The following LOC400499 variants were observed in gnomAD, a reference collection of about 807,000 sequenced individuals.
chr16:11,401,556 G>A, the LOC400499 span: 7,112 of 397,852 alleles, frequency 0.018, 95 homozygotes, highest in Non-Finnish European at 0.024. Flanking sequence ...CAAGGCCCTC[G>A]GAGAGCTCAG....
the LOC400499 span, among the ~76,000 whole-genome samples, chr16:11,393,079 C>A: frequency 6.6e-6 from 1 of 152,006 alleles, no homozygotes; most frequent in African/African-American, 2.4e-5. Context: ...TGGTCTCGAT[C>A]TCCTGACCTT....
At chr16:11,470,192 G>A in the LOC400499 span, among the ~76,000 whole-genome samples, 1 of 152,226 alleles carries the variant, frequency 6.6e-6, no homozygotes, top group South Asian at 2.1e-4. Context: ...GGATTACAGT[G>A]AGCCACTGCG....
At chr16:11,479,510 C>T in the LOC400499 span, among the ~76,000 whole-genome samples, 1 of 151,262 alleles carries the variant, frequency 6.6e-6, no homozygotes, top group Non-Finnish European at 1.5e-5. Context: ...GTAGTTCCAG[C>T]TACTTGGGAA....
chr16:11,424,669 C>A, the LOC400499 span, among the ~76,000 whole-genome samples: 20 of 152,198 alleles, frequency 1.3e-4, no homozygotes, highest in African/African-American at 4.3e-4. Context: ...CAGAGGGAAA[C>A]AGGGGTCTGA....
the LOC400499 span, among the ~76,000 whole-genome samples, chr16:11,389,101 G>A: frequency 6.6e-6 from 1 of 151,870 alleles, no homozygotes; most frequent in East Asian, 1.9e-4. Flanking sequence ...AAACAAACAG[G>A]CCAGGCACAT....
the LOC400499 span, among the ~76,000 whole-genome samples, chr16:11,512,208 G>C: frequency 6.6e-6 from 1 of 152,078 alleles, no homozygotes; most frequent in Admixed American, 6.6e-5. Flanking sequence ...CTTGAGCCCG[G>C]AAGGAGGAGG....
chr16:11,457,153 C>A, the LOC400499 span: 1 of 981,470 alleles, frequency 1.0e-6, no homozygotes, highest in Non-Finnish European at 1.5e-6. Flanking sequence ...GCACTCCACA[C>A]GGGCAACGGG....
At chr16:11,492,112 A>G in the LOC400499 span, among the ~76,000 whole-genome samples, 1 of 152,218 alleles carries the variant, frequency 6.6e-6, no homozygotes, top group Non-Finnish European at 1.5e-5. Context: ...GCTACGTTCC[A>G]ATAAAACTAT....
chr16:11,514,209 C>T, the LOC400499 span: 1 of 378,218 alleles, frequency 2.6e-6, no homozygotes, highest in Non-Finnish European at 4.7e-6. Context: ...CTAGAAGTGG[C>T]TAACTCTCCT....
the LOC400499 span, among the ~76,000 whole-genome samples, chr16:11,466,478 C>T: frequency 6.6e-6 from 1 of 152,020 alleles, no homozygotes; most frequent in Non-Finnish European, 1.5e-5. Context: ...ACCTCCACCC[C>T]ACCAGGTTCA....
chr16:11,436,753 A>C, the LOC400499 span, among the ~76,000 whole-genome samples: 1 of 151,524 alleles, frequency 6.6e-6, no homozygotes, highest in Admixed American at 6.6e-5. Flanking sequence ...ATGCCCAGCT[A>C]ATTTTTTTTT....
At chr16:11,374,897 G>A in the LOC400499 span, among the ~76,000 whole-genome samples, 1 of 152,178 alleles carries the variant, frequency 6.6e-6, no homozygotes, top group Admixed American at 6.5e-5. Context: ...CACCCAGGCT[G>A]GAATGCGGTG....
chr16:11,460,376 G>C, the LOC400499 span: 2 of 1,332,972 alleles, frequency 1.5e-6, no homozygotes, highest in Non-Finnish European at 9.9e-7. Context: ...ATGTGATTGT[G>C]AGCAAGTCCA....
the LOC400499 span, chr16:11,447,835 TCCAG>T: frequency 2.8e-6 from 4 of 1,408,828 alleles, no homozygotes; most frequent in Admixed American, 1.1e-4. Context: ...GCAGAGATTC[TCCAG>T]GTAGCTCTGC....
At chr16:11,388,708 G>A in the LOC400499 span, among the ~76,000 whole-genome samples, 3 of 152,134 alleles carry the variant, frequency 2.0e-5, no homozygotes, top group African/African-American at 7.2e-5. Context: ...GAGACCAGCT[G>A]AGCCCCACCT....
the LOC400499 span, chr16:11,387,420 G>C: frequency 1.1e-5 from 8 of 733,244 alleles, no homozygotes; most frequent in African/African-American, 9.1e-5. Context: ...GCCTTTCAGG[G>C]AGGGGCTGTC....
At chr16:11,448,160 C>CG in the LOC400499 span, 1 of 1,425,738 alleles carries the variant, frequency 7.0e-7, no homozygotes, top group East Asian at 2.5e-5. Flanking sequence ...AGGTAGCCCC[C>CG]CACAACCTGC....
the LOC400499 span, chr16:11,460,540 A>C: frequency 6.5e-7 from 1 of 1,535,600 alleles, no homozygotes; most frequent in Non-Finnish European, 8.7e-7. Context: ...GCCTGTAGGC[A>C]CCGTCTGAGC....
At chr16:11,412,807 C>A in the LOC400499 span, 2 of 398,830 alleles carry the variant, frequency 5.0e-6, no homozygotes, top group African/African-American at 2.1e-5. Context: ...ATGGTTCCTC[C>A]CCCGACTCCT....
Sources: allele counts gnomAD v4.1 joint callset (sites outside exome capture counted in the v4.1 genomes callset), GRCh38; gene constraint gnomAD v4.1.1; transcripts MANE v1.5.